PRELID2: variants seen among roughly 807,000 people sequenced by gnomAD.
PRELID2 encodes the protein PRELI domain-containing protein 2.
Under a neutral mutation model 28.4 loss-of-function variants are expected in PRELID2, and 25 were observed. The observed-to-expected ratio is 0.88, with a 90% CI of 0.64 to 1.23. The LOEUF (loss-of-function observed/expected upper bound fraction) is 1.23, where lower values mean the gene tolerates loss of function less well. PRELID2 is among the 50% of genes most tolerant of loss of function. PRELID2 has a pLI of 0.00. For synonymous variants in PRELID2, 76 were observed against 71.6 expected, an observed-to-expected ratio of 1.06 and a Z score of -0.31; for missense variants, 201 against 214.4, an observed-to-expected ratio of 0.94 and a Z score of 0.39.
intron 1 of PRELID2, among the ~76,000 whole-genome samples, chr5:145,534,065 A>G (rs1752676811): frequency 6.6e-6 from 1 of 152,094 alleles, no homozygotes; most frequent in South Asian, 2.1e-4. Context: ...CTTCTAATAG[A>G]TAAAAGTCTT....
the PRELID2 span, among the ~76,000 whole-genome samples, chr5:145,363,596 ACCAT>A: frequency 6.6e-6 from 1 of 152,086 alleles, no homozygotes; most frequent in Non-Finnish European, 1.5e-5. Context: ...TTATAACGAT[ACCAT>A]TAAAGCAGAG....
At chr5:145,291,496 G>A in the PRELID2 span, among the ~76,000 whole-genome samples, 57 of 152,178 alleles carry the variant, frequency 3.7e-4, no homozygotes, top group Middle Eastern at 3.4e-3. Flanking sequence ...GCTTCAGAGC[G>A]AGGATAGGAC....
chr5:145,279,373 T>C, the PRELID2 span, among the ~76,000 whole-genome samples: 1 of 152,194 alleles, frequency 6.6e-6, no homozygotes, highest in Non-Finnish European at 1.5e-5. Flanking sequence ...ATGGTAAAGT[T>C]CTTATGAACA....
At chr5:145,470,093 A>C (rs536645645), downstream of PRELID2, among the ~76,000 whole-genome samples, 36 of 152,306 alleles carry the variant, frequency 2.4e-4, no homozygotes, top group African/African-American at 8.4e-4. Flanking sequence ...CTAAACGTAA[A>C]TCACACGAAG....
At chr5:145,521,698 C>G (rs1040623177) in intron 1 of PRELID2, among the ~76,000 whole-genome samples, 1 of 152,242 alleles carries the variant, frequency 6.6e-6, no homozygotes, top group Middle Eastern at 3.4e-3. Flanking sequence ...AGAAATGCAG[C>G]CTGGAGCAGA....
At chr5:145,606,721 T>C (rs376354228) in intron 1 of PRELID2, among the ~76,000 whole-genome samples, 8 of 151,964 alleles carry the variant, frequency 5.3e-5, no homozygotes, top group African/African-American at 1.4e-4. Context: ...TTGGCCTGAA[T>C]TTTTCTTTAT....
the PRELID2 span, among the ~76,000 whole-genome samples, chr5:145,323,230 A>G: frequency 6.6e-6 from 1 of 151,900 alleles, no homozygotes. Context: ...AGGGCATGGC[A>G]GGGGACCTGA....
chr5:145,323,476 T>C, the PRELID2 span, among the ~76,000 whole-genome samples: 26 of 152,296 alleles, frequency 1.7e-4, no homozygotes, highest in South Asian at 5.4e-3. Flanking sequence ...AAAAACACTT[T>C]TATTTTAGGT....
chr5:145,422,330 G>A, the PRELID2 span, among the ~76,000 whole-genome samples: 1 of 151,886 alleles, frequency 6.6e-6, no homozygotes, highest in African/African-American at 2.4e-5. Context: ...GTTGACAGTG[G>A]GGTGTTAAAG....
the PRELID2 span, among the ~76,000 whole-genome samples, chr5:145,461,453 C>T: frequency 3.3e-5 from 5 of 152,252 alleles, no homozygotes; most frequent in African/African-American, 1.2e-4. Context: ...CAGGCACCCG[C>T]CACCACACCT....
chr5:145,832,239 G>A (rs10069683), intron 1 of PRELID2, among the ~76,000 whole-genome samples: 1,618 of 152,272 alleles, frequency 0.011, 29 homozygotes, highest in African/African-American at 0.037. Context: ...AGGCTGGAGT[G>A]CAATGGCATG....
At chr5:145,662,466 T>C (rs1754512585) in intron 1 of PRELID2, among the ~76,000 whole-genome samples, 1 of 151,986 alleles carries the variant, frequency 6.6e-6, no homozygotes, top group Non-Finnish European at 1.5e-5. Context: ...GCAATGCTCT[T>C]TGGTAAGCAG....
At chr5:145,659,776 G>A (rs1754458509) in intron 1 of PRELID2, among the ~76,000 whole-genome samples, 2 of 152,126 alleles carry the variant, frequency 1.3e-5, no homozygotes. Context: ...CAAAGAAAAG[G>A]AAAAATACAT....
intron 1 of PRELID2, among the ~76,000 whole-genome samples, chr5:145,572,490 T>A (rs917555920): frequency 3.3e-5 from 5 of 152,200 alleles, no homozygotes; most frequent in African/African-American, 1.2e-4. Context: ...ATAAAGCACT[T>A]AATGTACAGC....
At chr5:145,475,888 T>C (rs998696617) in intron 1 of PRELID2, among the ~76,000 whole-genome samples, 4 of 152,216 alleles carry the variant, frequency 2.6e-5, no homozygotes, top group Admixed American at 2.0e-4. Context: ...GTGAAATGTT[T>C]ATAATCATTA....
the PRELID2 span, among the ~76,000 whole-genome samples, chr5:145,331,803 C>CTAGCTGATGATG: frequency 6.6e-6 from 1 of 152,082 alleles, no homozygotes; most frequent in Non-Finnish European, 1.5e-5. Context: ...TAAATTTGAT[C>CTAGCTGATGATG]CTGTCATTAT....
the PRELID2 span, among the ~76,000 whole-genome samples, chr5:145,282,822 G>A: frequency 2.1e-3 from 322 of 152,218 alleles, 10 homozygotes; most frequent in East Asian, 0.053. Flanking sequence ...CCCTAGCAGA[G>A]ACAGTTATTC....
At chr5:145,683,246 T>C (rs1189631821) in intron 1 of PRELID2, among the ~76,000 whole-genome samples, 2 of 152,148 alleles carry the variant, frequency 1.3e-5, no homozygotes, top group Non-Finnish European at 2.9e-5. Flanking sequence ...ATTTGCAAAA[T>C]AAGGATAATA....
the PRELID2 span, among the ~76,000 whole-genome samples, chr5:145,314,542 T>G: frequency 6.6e-6 from 1 of 152,130 alleles, no homozygotes; most frequent in Non-Finnish European, 1.5e-5. Context: ...TTACATGGGG[T>G]TTTGAAGGAA....
Sources: gnomAD v4.1 joint callset for allele counts (sites outside exome capture counted in the v4.1 genomes callset) on GRCh38, gnomAD v4.1.1 for gene constraint, MANE v1.5 for transcripts, NCBI Gene and HGNC (gene_info 2026-07-23, HGNC 2026-07-21) for gene names.